C4orf33: variants seen among roughly 807,000 people sequenced by gnomAD.
C4orf33 encodes the protein UPF0462 protein C4orf33.
C4orf33 carries 20 observed loss-of-function variants against 24.3 expected under a neutral mutation model. The observed-to-expected ratio is 0.82, with a 90% CI of 0.58 to 1.19. C4orf33 has a LOEUF of 1.19. Ranked by LOEUF, C4orf33 falls within the 50% of genes most tolerant of loss-of-function variation. The pLI is 0.00. For synonymous variants in C4orf33, 67 were observed against 76.4 expected (o/e 0.88, Z 0.64); for missense variants, 207 against 225.9 (o/e 0.92, Z 0.54).
rs1000513379 is a variant in C4orf33 at position 129,112,270 on chromosome 4, A to G, written c.*479A>G. 6.6e-6 allele frequency: 1 copy of G among 152,598 alleles called. No individual in the cohort carries two copies. Among genetic ancestry groups the G allele is most frequent in the Non-Finnish European group, 1.5e-5 (1 of 68,304 alleles). The allele number at this position is 152,598 out of a possible 1,614,324, so 9.5% of individuals were successfully genotyped here. The stretch of plus-strand genomic sequence containing the variant: ...GGAAAATGGATAGACAAACTACAAT[A>G]TAGTCAGTGGAATACTGTTCATTTA... On this transcript the variant is annotated 3_prime_UTR_variant, in exon 6 of 6. Transcript: ENST00000425929.
chr4:129,097,564 T>A (rs910783086), intron 1 of C4orf33, among the ~76,000 whole-genome samples: 2 of 152,256 alleles, frequency 1.3e-5, no homozygotes, highest in African/African-American at 4.8e-5. Flanking sequence ...TAGCATAATT[T>A]TTTTTACCAG....
intron 1 of C4orf33, among the ~76,000 whole-genome samples, chr4:129,100,001 G>C (rs940202499): frequency 6.6e-6 from 1 of 151,598 alleles, no homozygotes; most frequent in Non-Finnish European, 1.5e-5. Flanking sequence ...ATTATATTCT[G>C]TCTTTGGACT....
At chr4:129,100,061 T>C (rs930179625) in intron 1 of C4orf33, among the ~76,000 whole-genome samples, 1 of 152,224 alleles carries the variant, frequency 6.6e-6, no homozygotes, top group African/African-American at 2.4e-5. Flanking sequence ...CACTATTTTT[T>C]GCAGTAATTT....
intron 1 of C4orf33, among the ~76,000 whole-genome samples, chr4:129,097,141 T>G (rs923535251): frequency 2.6e-5 from 4 of 152,204 alleles, no homozygotes; most frequent in African/African-American, 9.7e-5. Flanking sequence ...TCTCCTGACC[T>G]TGTGATCCGC....
intron 2 of C4orf33, among the ~76,000 whole-genome samples, chr4:129,104,503 C>T (rs1753457079): frequency 6.6e-6 from 1 of 152,176 alleles, no homozygotes; most frequent in South Asian, 2.1e-4. Context: ...TTTCCATGAC[C>T]TGGCCCCTTA....
In C4orf33 at chr4:129,114,736, C is replaced by T. The variant is rs1054176741; in HGVS notation, c.*2945C>T. On this transcript the variant is annotated 3_prime_UTR_variant, in exon 6 of 6. Transcript: ENST00000425929. ...ACTGGCTTGAGGTGCAGCTGAGGCACCTGAAGCTATGAAAGCCATCTAGTC... is the reference window on the plus strand; with the variant it reads ...ACTGGCTTGAGGTGCAGCTGAGGCATCTGAAGCTATGAAAGCCATCTAGTC... 6 of 152,248 alleles carry T rather than the reference C, an allele frequency of 3.9e-5. No homozygotes were observed. Among genetic ancestry groups the T allele is most frequent in the African/African-American group, 1.4e-4 (6 of 41,532 alleles). 9.4% of individuals were successfully genotyped at this position (152,248 alleles called of 1,614,324 possible).
intron 2 of C4orf33, among the ~76,000 whole-genome samples, chr4:129,104,658 A>G (rs544317634): frequency 6.6e-6 from 1 of 152,300 alleles, no homozygotes; most frequent in South Asian, 2.1e-4. Context: ...TGCTGTTTCT[A>G]TCATTCTTCA....
rs867549872 is a variant in C4orf33 at position 129,111,788 on chromosome 4, A to G, written c.597A>G (p.Ile199Met). ...SDLWLIEKCD[I>M] ...TGTGGCTAATAGAGAAATGTGATAT[A>G]TAGGAGTAATAGATAACCATACCGA... is the stretch of plus-strand genomic sequence containing the variant. Residue 199 changes from isoleucine to methionine, a missense_variant, in exon 6 of 6, where the codon ATA becomes ATG. Ile to Met is a conservative substitution (Grantham distance 10). Coordinates refer to ENST00000425929, the MANE Select transcript of C4orf33 (RefSeq NM_001099783.2). The G allele has an allele frequency of 1.3e-6, 2 of 1,543,676 alleles. No homozygotes were observed. Among genetic ancestry groups the G allele is most frequent in the Middle Eastern group, 1.7e-4 (1 of 5,930 alleles).
In C4orf33 at chr4:129,109,791, A is replaced by G. The variant is rs1753634414; in HGVS notation, c.494+119A>G. On this transcript the variant is annotated intron_variant, in intron 5 of 5. Transcript: ENST00000425929. Reference sequence around the variant, plus strand: ...AGACGACATATGTGCACAAGTATCTAGTAGAGTCCAATGTTCACTGATGGT... The same window carrying G: ...AGACGACATATGTGCACAAGTATCTGGTAGAGTCCAATGTTCACTGATGGT... 4.4e-6 allele frequency: 4 copies of G among 906,338 alleles called. No individual in the cohort carries two copies. The East Asian group carries it at 1.1e-4, about 24-fold the overall frequency. 56.1% of individuals were successfully genotyped at this position (906,338 alleles called of 1,614,324 possible). A position where few individuals can be genotyped will look rare whatever the true frequency, so the allele number is the denominator to read the frequency against.
chr4:129,100,168 T>A (rs542248828), intron 1 of C4orf33, among the ~76,000 whole-genome samples: 1 of 152,304 alleles, frequency 6.6e-6, no homozygotes, highest in South Asian at 2.1e-4. Context: ...AATGGTAACT[T>A]TGCTTTTATC....
At chr4:129,109,155 C>G in intron 3 of C4orf33, 152 bp from the exon 4 acceptor site, 2 of 813,208 alleles carry the variant, frequency 2.5e-6, no homozygotes, top group Non-Finnish European at 4.1e-6. Flanking sequence ...TCCCAAAGTG[C>G]TGGGTTACAG....
At chr4:129,103,678 T>G (rs530993636) in intron 2 of C4orf33, among the ~76,000 whole-genome samples, 2 of 152,204 alleles carry the variant, frequency 1.3e-5, no homozygotes, top group Non-Finnish European at 2.9e-5. Flanking sequence ...TGATAAATCA[T>G]TACTATCCCT....
In C4orf33 at chr4:129,111,876, A is replaced by T; in HGVS notation, c.*85A>T. ...ATAAATATCAATTTTTTAAGATGTC[A>T]TGCATACATTTCAACAACAAATATC... is the stretch of plus-strand genomic sequence containing the variant. On this transcript the variant is annotated 3_prime_UTR_variant, in exon 6 of 6. Transcript: ENST00000425929. 1.5e-6 allele frequency: 1 copy of T among 669,992 alleles called. No homozygotes were observed. The highest frequency in any genetic ancestry group is 2.5e-6 in the Non-Finnish European group (1 of 397,454). 41.5% of individuals were successfully genotyped at this position (669,992 alleles called of 1,614,324 possible). A position where few individuals can be genotyped will look rare whatever the true frequency, so the allele number is the denominator to read the frequency against.
chr4:129,094,633 C>A (rs1753126470), upstream of C4orf33, among the ~76,000 whole-genome samples: 1 of 152,168 alleles, frequency 6.6e-6, no homozygotes, highest in Non-Finnish European at 1.5e-5. Flanking sequence ...ATGAGATGGT[C>A]CCTTCCTCTA....
At position 129,111,796 on chromosome 4, in the gene C4orf33, A is replaced by G. The variant is rs376924549; in HGVS notation, c.*5A>G. On this transcript the variant is annotated 3_prime_UTR_variant, in exon 6 of 6. Transcript: ENST00000425929. ...ATAGAGAAATGTGATATATAGGAGT[A>G]ATAGATAACCATACCGATCATTTTT... 9.2e-6 allele frequency: 14 copies of G among 1,515,272 alleles called. No homozygotes were observed. Among genetic ancestry groups the G allele is most frequent in the African/African-American group, 1.4e-5 (1 of 72,916 alleles). The allele number at this position is 1,515,272 out of a possible 1,614,324, so 93.9% of individuals were successfully genotyped here. A position where few individuals can be genotyped will look rare whatever the true frequency, so the allele number is the denominator to read the frequency against.
intron 1 of C4orf33, among the ~76,000 whole-genome samples, chr4:129,097,025 C>T (rs899438569): frequency 3.6e-4 from 55 of 152,170 alleles, no homozygotes; most frequent in African/African-American, 1.0e-3. Context: ...TCTTCTGCCT[C>T]AACCTCCCGA....
intron 3 of C4orf33, among the ~76,000 whole-genome samples, chr4:129,107,518 G>A (rs2125803073): frequency 6.6e-6 from 1 of 152,102 alleles, no homozygotes; most frequent in Non-Finnish European, 1.5e-5. Flanking sequence ...ATTTAAATGA[G>A]ATTTGTAGAT....
upstream of C4orf33, among the ~76,000 whole-genome samples, chr4:129,095,066 A>G (rs2068135): frequency 0.031 from 4,701 of 152,172 alleles, 93 homozygotes; most frequent in South Asian, 0.051. Context: ...TTATGTCTGC[A>G]CTCGAATTTT....
chr4:129,102,686 G>A lies in C4orf33; in HGVS notation c.76G>A (p.Gly26Ser). The change falls in exon 2 of 6, where the codon GGT (glycine) becomes AGT (serine). Residue 26 changes from glycine (G) to serine (S), a missense_variant. By Grantham distance (56) the Gly-to-Ser change is moderately conservative (BLOSUM62 0). Coordinates refer to ENST00000425929, the MANE Select transcript of C4orf33 (RefSeq NM_001099783.2). ...GCCCGTATTTATCAGGCTGAATCCA[G>A]GTGACAGAGGAGTGATGATGGACAT... ...HEPVFIRLNP[G>S]DRGVMMDISA... The A allele has an allele frequency of 6.2e-7, 1 of 1,614,152 alleles. No homozygotes were observed. The highest frequency in any genetic ancestry group is 8.5e-7 in the Non-Finnish European group (1 of 1,179,978).
Sources: gnomAD v4.1 joint callset for allele counts (sites outside exome capture counted in the v4.1 genomes callset) on GRCh38, gnomAD v4.1.1 for gene constraint, MANE v1.5 for transcripts, NCBI Gene and HGNC (gene_info 2026-07-23, HGNC 2026-07-21) for gene names.